ASIC2: variants seen among roughly 807,000 people sequenced by gnomAD.
The protein encoded by ASIC2 is acid-sensing ion channel 2.
Under a neutral mutation model 57.3 loss-of-function variants are expected in ASIC2, and 25 were observed. That is an observed-to-expected ratio of 0.44 (90% confidence interval 0.32 to 0.61). The LOEUF is 0.61. Among genes scored for constraint, ASIC2 ranks in the 20% least tolerant of loss-of-function variants. The pLI is 0.06. For missense variants in ASIC2, 641 were observed against 738.1 expected, an observed-to-expected ratio of 0.87 and a Z score of 1.52; for synonymous variants, 319 against 307.5, an observed-to-expected ratio of 1.04 and a Z score of -0.39.
At chr17:33,459,366 T>G (rs984663843) in intron 1 of ASIC2, among the ~76,000 whole-genome samples, 1 of 152,172 alleles carries the variant, frequency 6.6e-6, no homozygotes, top group African/African-American at 2.4e-5. Flanking sequence ...GCGTGCAGGA[T>G]CAATGTATCT....
At position 34,151,591 on chromosome 17, in the gene ASIC2, C is replaced by T. The variant is rs141258490; in HGVS notation, c.555+4387G>A. Among the ~76,000 whole-genome samples, 194 of 152,108 alleles carry T rather than the reference C, an allele frequency of 1.3e-3. 1 individual carries two copies. Among genetic ancestry groups the T allele is most frequent in the African/African-American group, 4.0e-3 (164 of 41,476 alleles). On this transcript the variant is annotated intron_variant, in intron 1 of 9. Coordinates refer to the ASIC2 transcript ENST00000359872. ...GCCAAGATGGTGGGTAAGGAGAGGACGTTTGAGCAGCAGAATTAATATGAA... is the reference window on the plus strand; with the variant it reads ...GCCAAGATGGTGGGTAAGGAGAGGATGTTTGAGCAGCAGAATTAATATGAA...
intron 1 of ASIC2, among the ~76,000 whole-genome samples, chr17:33,305,351 C>T (rs1390795744): frequency 1.3e-5 from 2 of 152,144 alleles, no homozygotes; most frequent in East Asian, 1.9e-4. Flanking sequence ...CATGAGTGAG[C>T]CCTTGTATTT....
intron 1 of ASIC2, among the ~76,000 whole-genome samples, chr17:33,350,650 C>G (rs1428480170): frequency 8.4e-6 from 1 of 119,070 alleles, no homozygotes; most frequent in East Asian, 2.3e-4. Context: ...CCACTGCACT[C>G]CAGTCTGGGC....
At chr17:33,788,586 A>C (rs1460209397) in intron 1 of ASIC2, among the ~76,000 whole-genome samples, 1 of 152,218 alleles carries the variant, frequency 6.6e-6, no homozygotes, top group East Asian at 1.9e-4. Flanking sequence ...TCGTTCTACT[A>C]TAAAGACTCA....
intron 1 of ASIC2, among the ~76,000 whole-genome samples, chr17:33,115,699 A>G (rs547082991): frequency 9.2e-5 from 14 of 152,314 alleles, no homozygotes; most frequent in African/African-American, 3.4e-4. Flanking sequence ...CTTGTTTTAC[A>G]ACCTCACATC....
chr17:33,564,954 CTTTTA>C (rs1299749075), intron 1 of ASIC2, among the ~76,000 whole-genome samples: 1 of 152,196 alleles, frequency 6.6e-6, no homozygotes, highest in African/African-American at 2.4e-5. Flanking sequence ...ATAAGTGATA[CTTTTA>C]TTTAATTTAA....
chr17:33,615,503 A>G (rs1244922728), intron 1 of ASIC2, among the ~76,000 whole-genome samples: 1 of 152,238 alleles, frequency 6.6e-6, no homozygotes, highest in Non-Finnish European at 1.5e-5. Flanking sequence ...ACCTTCAAAA[A>G]TGAAGACTTC....
At chr17:33,536,495 C>CCT (rs1319460009) in intron 1 of ASIC2, among the ~76,000 whole-genome samples, 2 of 152,178 alleles carry the variant, frequency 1.3e-5, no homozygotes, top group East Asian at 3.9e-4. Context: ...ACCCTGCTCC[C>CCT]AACAGAGCAG....
At chr17:33,750,031 C>T (rs1910380853) in intron 1 of ASIC2, among the ~76,000 whole-genome samples, 1 of 152,158 alleles carries the variant, frequency 6.6e-6, no homozygotes, top group South Asian at 2.1e-4. Context: ...ATCCACTTTC[C>T]AGTTTTTCAT....
intron 1 of ASIC2, among the ~76,000 whole-genome samples, chr17:33,867,049 G>A (rs1314035221): frequency 6.6e-6 from 1 of 152,172 alleles, no homozygotes; most frequent in Non-Finnish European, 1.5e-5. Context: ...TGCTGCAGAC[G>A]TTGATTATCC....
At chr17:33,863,475 C>T (rs898521272) in intron 1 of ASIC2, among the ~76,000 whole-genome samples, 19 of 152,202 alleles carry the variant, frequency 1.2e-4, no homozygotes, top group African/African-American at 4.1e-4. Context: ...AATGACATGG[C>T]CAAACAACTG....
intron 1 of ASIC2, among the ~76,000 whole-genome samples, chr17:33,841,509 ATTTGAACCACTGGGC>A (rs1913436552): frequency 1.3e-5 from 2 of 152,252 alleles, no homozygotes. Context: ...GGTTCAGAAT[ATTTGAACCACTGGGC>A]TCTGTTTGAT....
At chr17:33,420,502 T>C (rs1320248806) in intron 1 of ASIC2, among the ~76,000 whole-genome samples, 3 of 152,180 alleles carry the variant, frequency 2.0e-5, no homozygotes. Flanking sequence ...TGAAAAGCCA[T>C]GTGGTGTCAC....
intron 1 of ASIC2, among the ~76,000 whole-genome samples, chr17:33,298,422 CA>C (rs1159615960): frequency 3.3e-5 from 5 of 152,136 alleles, no homozygotes; most frequent in African/African-American, 9.7e-5. Flanking sequence ...ACAAAGGACA[CA>C]AACTCATCAT....
intron 1 of ASIC2, among the ~76,000 whole-genome samples, chr17:33,487,531 A>G (rs1174983648): frequency 6.6e-6 from 1 of 152,226 alleles, no homozygotes; most frequent in African/African-American, 2.4e-5. Flanking sequence ...GGACAATCAC[A>G]GCAGCTCCTA....
intron 1 of ASIC2, among the ~76,000 whole-genome samples, chr17:33,429,536 G>T (rs926187037): frequency 1.3e-5 from 2 of 151,930 alleles, no homozygotes; most frequent in Admixed American, 1.3e-4. Flanking sequence ...GACTACAGGC[G>T]CCTGCCACCA....
intron 1 of ASIC2, among the ~76,000 whole-genome samples, chr17:33,872,824 G>C (rs1485317085): frequency 6.6e-6 from 1 of 152,102 alleles, no homozygotes; most frequent in Non-Finnish European, 1.5e-5. Context: ...CAACCTTCCT[G>C]GGTGGCGGTA....
intron 1 of ASIC2, among the ~76,000 whole-genome samples, chr17:33,987,654 T>TAACC (rs61329146): frequency 0.031 from 4,755 of 151,598 alleles, 225 homozygotes; most frequent in African/African-American, 0.1. Flanking sequence ...ACCAACCAAC[T>TAACC]AACCAACCAA....
chr17:34,143,166 C>G (rs1912318874), intron 1 of ASIC2: 2 of 152,182 alleles, frequency 1.3e-5, no homozygotes, highest in African/African-American at 4.8e-5. Flanking sequence ...AGCATGATGT[C>G]TTCACAGAGA....
Sources: allele counts gnomAD v4.1 joint callset (sites outside exome capture counted in the v4.1 genomes callset), GRCh38; gene constraint gnomAD v4.1.1; transcripts MANE v1.5; gene names NCBI Gene and HGNC (gene_info 2026-07-23, HGNC 2026-07-21).